GALNT13: variants seen among roughly 807,000 people sequenced by gnomAD.
The protein encoded by GALNT13 is UDP-GalNAc:polypeptide N-acetylgalactosaminyltransferase 13.
In GALNT13, 28 loss-of-function variants were observed where a neutral mutation model predicts 64.2. The observed-to-expected ratio is 0.44, with a 90% CI of 0.32 to 0.60. GALNT13 has a LOEUF of 0.60. Among genes scored for constraint, GALNT13 ranks in the 20% least tolerant of loss-of-function variants. The pLI is 0.05. For missense variants in GALNT13, 577 were observed against 669.8 expected (o/e 0.86, Z 1.53); for synonymous variants, 214 against 224.6 (o/e 0.95, Z 0.42).
At chr2:154,269,900 A>C (rs1289986965) in intron 8 of GALNT13, among the ~76,000 whole-genome samples, 1 of 80,162 alleles carries the variant, frequency 1.2e-5, no homozygotes, top group East Asian at 3.1e-4. Context: ...ATATTTATAT[A>C]TATGTGTATA....
chr2:154,195,410 A>C (rs1371760555), intron 4 of GALNT13, among the ~76,000 whole-genome samples: 1 of 152,122 alleles, frequency 6.6e-6, no homozygotes, highest in Non-Finnish European at 1.5e-5. Flanking sequence ...TTTCTTTTAG[A>C]CATGATTAAA....
At chr2:154,412,123 A>G (rs1329760283) in intron 11 of GALNT13, among the ~76,000 whole-genome samples, 1 of 151,826 alleles carries the variant, frequency 6.6e-6, no homozygotes, top group Non-Finnish European at 1.5e-5. Flanking sequence ...AGATAAAAGC[A>G]CAACACTTAA....
chr2:154,087,706 G>A (rs1043599797), intron 3 of GALNT13, among the ~76,000 whole-genome samples: 1 of 152,064 alleles, frequency 6.6e-6, no homozygotes, highest in Non-Finnish European at 1.5e-5. Context: ...TTCAAGCAAT[G>A]ATGTCATTAT....
At chr2:154,138,566 G>T (rs1176894292) in intron 3 of GALNT13, among the ~76,000 whole-genome samples, 1 of 136,336 alleles carries the variant, frequency 7.3e-6, no homozygotes. Context: ...TACAGTCCAA[G>T]ATATGTTAAA....
the GALNT13 span, among the ~76,000 whole-genome samples, chr2:153,802,025 T>C: frequency 6.6e-6 from 1 of 152,334 alleles, no homozygotes; most frequent in African/African-American, 2.4e-5. Context: ...TGTTCATGCC[T>C]GTCCAGTTTA....
chr2:153,168,772 A>G, the GALNT13 span, among the ~76,000 whole-genome samples: 1 of 152,216 alleles, frequency 6.6e-6, no homozygotes. Context: ...ACGTACTCTT[A>G]TTAATTGCCA....
intron 9 of GALNT13, among the ~76,000 whole-genome samples, chr2:154,368,499 T>A (rs890710139): frequency 1.3e-5 from 2 of 152,152 alleles, no homozygotes; most frequent in Non-Finnish European, 2.9e-5. Flanking sequence ...CCTTCATTGT[T>A]CGTAGAGTAA....
the GALNT13 span, among the ~76,000 whole-genome samples, chr2:153,683,679 T>C: frequency 6.6e-6 from 1 of 151,650 alleles, no homozygotes; most frequent in Non-Finnish European, 1.5e-5. Flanking sequence ...TTGATGCCTC[T>C]CAAATTGTTC....
intron 9 of GALNT13, among the ~76,000 whole-genome samples, chr2:154,364,267 A>T (rs192950417): frequency 5.3e-5 from 8 of 152,298 alleles, no homozygotes; most frequent in Admixed American, 2.0e-4. Context: ...AGTTAATCTC[A>T]CTTTTGGGAG....
intron 4 of GALNT13, among the ~76,000 whole-genome samples, chr2:154,157,424 G>T (rs1684486954): frequency 6.6e-6 from 1 of 151,980 alleles, no homozygotes; most frequent in African/African-American, 2.4e-5. Flanking sequence ...TGTCGCCCAG[G>T]CTGGATTTAA....
chr2:153,671,166 G>T, the GALNT13 span, among the ~76,000 whole-genome samples: 1 of 152,086 alleles, frequency 6.6e-6, no homozygotes. Flanking sequence ...ACCTAGCAAG[G>T]CAGGCCAACA....
the GALNT13 span, among the ~76,000 whole-genome samples, chr2:153,174,051 G>C: frequency 6.6e-6 from 1 of 152,290 alleles, no homozygotes; most frequent in Admixed American, 6.5e-5. Flanking sequence ...TATTCCCACA[G>C]GCTTGATGCT....
chr2:153,275,019 T>C, the GALNT13 span, among the ~76,000 whole-genome samples: 1 of 152,198 alleles, frequency 6.6e-6, no homozygotes, highest in African/African-American at 2.4e-5. Flanking sequence ...AGTCCTTTTG[T>C]CTTTTAAAAA....
At chr2:154,057,041 A>G (rs1699928541) in intron 3 of GALNT13, among the ~76,000 whole-genome samples, 1 of 151,610 alleles carries the variant, frequency 6.6e-6, no homozygotes, top group African/African-American at 2.4e-5. Flanking sequence ...ATTTTATTTT[A>G]TTTTTTGAGA....
At chr2:153,474,571 T>C in the GALNT13 span, among the ~76,000 whole-genome samples, 1 of 152,144 alleles carries the variant, frequency 6.6e-6, no homozygotes, top group African/African-American at 2.4e-5. Context: ...AGTGGGGAGA[T>C]TCGTATCAAC....
intron 9 of GALNT13, among the ~76,000 whole-genome samples, chr2:154,380,244 A>G (rs1414173203): frequency 6.6e-6 from 1 of 152,046 alleles, no homozygotes; most frequent in African/African-American, 2.4e-5. Context: ...GGAGTAAAGC[A>G]ACTTATAAAG....
intron 3 of GALNT13, among the ~76,000 whole-genome samples, chr2:154,117,020 G>C (rs1317270529): frequency 6.6e-6 from 1 of 152,170 alleles, no homozygotes; most frequent in Non-Finnish European, 1.5e-5. Flanking sequence ...AGAACTCAGA[G>C]TCCGATGTTC....
chr2:153,962,169 C>T (rs891278120), intron 3 of GALNT13, among the ~76,000 whole-genome samples: 1 of 152,156 alleles, frequency 6.6e-6, no homozygotes. Flanking sequence ...AAATTGGGCA[C>T]ATTTATAGCC....
chr2:153,538,367 A>ATTTAT, the GALNT13 span, among the ~76,000 whole-genome samples: 1,366 of 93,956 alleles, frequency 0.015, 10 homozygotes, highest in African/African-American at 0.019. Flanking sequence ...TTTTTATTTT[A>ATTTAT]TTTATTTTAT....
Sources: gnomAD v4.1 joint callset for allele counts (sites outside exome capture counted in the v4.1 genomes callset) on GRCh38, gnomAD v4.1.1 for gene constraint, MANE v1.5 for transcripts, NCBI Gene and HGNC (gene_info 2026-07-23, HGNC 2026-07-21) for gene names.